The following PTPN13 variants were observed in gnomAD, a reference collection of about 807,000 sequenced individuals.
PTPN13 encodes tyrosine-protein phosphatase non-receptor type 13.
In PTPN13, 191 loss-of-function variants were observed where a neutral mutation model predicts 284.0. The observed-to-expected ratio is 0.67, with a 90% CI of 0.60 to 0.76. PTPN13 has a LOEUF of 0.76. PTPN13 is among the 30% of genes least tolerant of loss of function. The pLI, the probability that PTPN13 is intolerant of heterozygous loss-of-function variation, is 0.00. For missense variants in PTPN13, 2,797 were observed against 2,939.9 expected, an observed-to-expected ratio of 0.95 and a Z score of 1.12; for synonymous variants, 986 against 1,022.3, an observed-to-expected ratio of 0.96 and a Z score of 0.68.
At chr4:86,667,251 G>A (rs759365008) in intron 2 of PTPN13, among the ~76,000 whole-genome samples, 91 of 152,126 alleles carry the variant, frequency 6.0e-4, no homozygotes, top group Non-Finnish European at 1.1e-3. Flanking sequence ...GATGTTGCAT[G>A]ATTATCTATA....
At position 86,734,715 on chromosome 4, in the gene PTPN13, CTG is replaced by C. The variant is rs758947833; in HGVS notation, c.2013-14_2013-13del. The stretch of plus-strand genomic sequence containing the variant: ...TATTCAAAATCAAAGGCCAAGATGT[CTG>C]TGTGTGTTTGTTTTTTCAGACATAC... On this transcript the variant is annotated intron_variant, in intron 13 of 47. Coordinates refer to ENST00000411767, the MANE Select transcript of PTPN13 (RefSeq NM_080683.3). 3 of 1,598,954 alleles carry C rather than the reference CTG, an allele frequency of 1.9e-6. No individual in the cohort carries two copies. In the African/African-American group the frequency reaches 4.0e-5, roughly 21 times the overall value.
At chr4:86,797,897 T>C (rs1490340534) in intron 41 of PTPN13, among the ~76,000 whole-genome samples, 1 of 151,998 alleles carries the variant, frequency 6.6e-6, no homozygotes, top group Non-Finnish European at 1.5e-5. Flanking sequence ...TGAGGGGACT[T>C]CAAAAAGTTC....
chr4:86,661,013 T>C (rs1445997062), intron 2 of PTPN13: 7 of 402,180 alleles, frequency 1.7e-5, no homozygotes, highest in Non-Finnish European at 3.4e-5. Flanking sequence ...TGTTGAGGTA[T>C]AACATATATT....
At chr4:86,644,258 A>G (rs1724149836) in intron 2 of PTPN13, among the ~76,000 whole-genome samples, 1 of 152,042 alleles carries the variant, frequency 6.6e-6, no homozygotes, top group Non-Finnish European at 1.5e-5. Context: ...CAGCCTCCCA[A>G]GTAGCTGGGA....
chr4:86,721,619 G>C (rs1347653882), intron 9 of PTPN13, among the ~76,000 whole-genome samples: 7 of 151,896 alleles, frequency 4.6e-5, no homozygotes, highest in South Asian at 4.2e-4. Flanking sequence ...AGACTTCAAG[G>C]GTTTTAGGAG....
chr4:86,762,515 A>G (rs1738813563), intron 23 of PTPN13, among the ~76,000 whole-genome samples: 2 of 152,126 alleles, frequency 1.3e-5, no homozygotes, highest in African/African-American at 4.8e-5. Context: ...GGAAATGGGG[A>G]GTTAAGGTGA....
At chr4:86,605,167 T>C (rs1764641840) in intron 1 of PTPN13, among the ~76,000 whole-genome samples, 1 of 151,738 alleles carries the variant, frequency 6.6e-6, no homozygotes, top group Non-Finnish European at 1.5e-5. Context: ...CCTAAGAAAC[T>C]AGGAAAATGT....
chr4:86,720,366 C>G (rs1733516325), intron 9 of PTPN13, among the ~76,000 whole-genome samples: 1 of 151,976 alleles, frequency 6.6e-6, no homozygotes, highest in Admixed American at 6.6e-5. Context: ...CCATATTTGT[C>G]AAATCTATGT....
At chr4:86,731,353 C>T (rs1734937186) in intron 10 of PTPN13, among the ~76,000 whole-genome samples, 1 of 152,154 alleles carries the variant, frequency 6.6e-6, no homozygotes, top group African/African-American at 2.4e-5. Context: ...GCCAAAACCC[C>T]AGAATATACA....
At chr4:86,619,269 G>A (rs1720947266) in intron 1 of PTPN13, among the ~76,000 whole-genome samples, 1 of 152,180 alleles carries the variant, frequency 6.6e-6, no homozygotes, top group East Asian at 1.9e-4. Context: ...AAATGGAAGA[G>A]TAAGCCCAAA....
intron 14 of PTPN13, 27 bp downstream of exon 14, chr4:86,734,902 C>A: frequency 6.3e-7 from 1 of 1,598,396 alleles, no homozygotes. Flanking sequence ...TTTCCAGGAC[C>A]ATTTTTGTTT....
chr4:86,797,579 C>T (rs1743494960), intron 41 of PTPN13, among the ~76,000 whole-genome samples: 1 of 151,874 alleles, frequency 6.6e-6, no homozygotes, highest in Non-Finnish European at 1.5e-5. Flanking sequence ...TATACTATTG[C>T]TTCAAGAAAG....
intron 1 of PTPN13, among the ~76,000 whole-genome samples, chr4:86,609,328 A>G (rs908004189): frequency 2.0e-5 from 3 of 152,172 alleles, no homozygotes; most frequent in Non-Finnish European, 4.4e-5. Context: ...ATTATTAAGT[A>G]TCTTATTTTA....
At chr4:86,793,191 A>G (rs147988672) in intron 40 of PTPN13, among the ~76,000 whole-genome samples, 11,149 of 152,300 alleles carry the variant, frequency 0.073, 554 homozygotes, top group Non-Finnish European at 0.11. Context: ...AAAGCAAAAA[A>G]AGCAGGGGTT....
intron 1 of PTPN13, among the ~76,000 whole-genome samples, chr4:86,622,112 T>G (rs1721319828): frequency 6.6e-6 from 1 of 152,226 alleles, no homozygotes; most frequent in Non-Finnish European, 1.5e-5. Context: ...CCCTGTGTTT[T>G]CTTCCTTCTG....
intron 2 of PTPN13, among the ~76,000 whole-genome samples, chr4:86,640,661 G>C (rs1723681200): frequency 6.6e-6 from 1 of 152,140 alleles, no homozygotes; most frequent in Non-Finnish European, 1.5e-5. Context: ...TACTGCCCAG[G>C]CCATGACTCA....
rs534885474 is a variant in PTPN13, at chr4:86,642,812, A to G, written c.115+7441A>G. Among the ~76,000 whole-genome samples the G allele has an allele frequency of 2.7e-3, 407 of 152,094 alleles. 2 individuals are homozygous for G. The highest frequency in any genetic ancestry group is 9.3e-3 in the African/African-American group (387 of 41,514). Reference sequence around the variant, plus strand: ...GCTTATGTCAGAAAAACATATATACATTTAAGATTTTAGCTTTTATATCAT... The same window carrying G: ...GCTTATGTCAGAAAAACATATATACGTTTAAGATTTTAGCTTTTATATCAT... On this transcript the variant is annotated intron_variant, in intron 2 of 47. Transcript: ENST00000411767.
chr4:86,605,377 A>T (rs78083159), intron 1 of PTPN13, among the ~76,000 whole-genome samples: 7,041 of 151,988 alleles, frequency 0.046, 219 homozygotes, highest in African/African-American at 0.06. Context: ...ATCTATGAGG[A>T]TTCATAGGGT....
intron 40 of PTPN13, among the ~76,000 whole-genome samples, chr4:86,786,664 C>A (rs1031491465): frequency 2.0e-5 from 3 of 152,060 alleles, no homozygotes; most frequent in African/African-American, 7.2e-5. Context: ...AAAATAGGCT[C>A]TTTAGAGAAG....
Sources: gnomAD v4.1 joint callset for allele counts (sites outside exome capture counted in the v4.1 genomes callset) on GRCh38, gnomAD v4.1.1 for gene constraint, MANE v1.5 for transcripts, NCBI Gene and HGNC (gene_info 2026-07-23, HGNC 2026-07-21) for gene names.